Variants in CEP43 observed in about 807,000 individuals in gnomAD.
CEP43 encodes FGFR1 oncogene partner.
A neutral mutation model predicts 52.6 loss-of-function variants in CEP43; 36 were observed. That is an observed-to-expected ratio of 0.68 (90% confidence interval 0.52 to 0.90). CEP43 has a LOEUF of 0.90. Among genes scored for constraint, CEP43 ranks in the 40% least tolerant of loss-of-function variants. The probability of loss-of-function intolerance (pLI) is 0.00; values close to 1 mark genes in which losing one functional copy is unlikely to be tolerated. For synonymous variants in CEP43, 192 were observed against 172.4 expected (o/e 1.11, Z -0.89); for missense variants, 506 against 472.8 (o/e 1.07, Z -0.65).
rs963865840 is a variant in CEP43 at position 167,040,949 on chromosome 6, T to G, written c.*971T>G. The G allele has an allele frequency of 2.9e-6, 3 of 1,024,058 alleles. No homozygotes were observed. Among genetic ancestry groups the G allele is most frequent in the Non-Finnish European group, 2.3e-6 (2 of 851,992 alleles). 63.4% of individuals were successfully genotyped at this position (1,024,058 alleles called of 1,614,324 possible). On this transcript the variant is annotated 3_prime_UTR_variant, in exon 13 of 13. Transcript: ENST00000366847. ...ATTTCCACAGTCTCATTTATACGGTTAAAGCATTATTGCTATTATGTAGGT... is the reference window on the plus strand; with the variant it reads ...ATTTCCACAGTCTCATTTATACGGTGAAAGCATTATTGCTATTATGTAGGT...
At chr6:167,026,307 G>C (rs2128665399) in intron 9 of CEP43, among the ~76,000 whole-genome samples, 1 of 152,364 alleles carries the variant, frequency 6.6e-6, no homozygotes, top group East Asian at 1.9e-4. Context: ...AGGTTGCAGT[G>C]AGCTGAGACC....
intron 7 of CEP43, among the ~76,000 whole-genome samples, chr6:167,020,149 T>G (rs1332561733): frequency 6.6e-6 from 1 of 152,254 alleles, no homozygotes; most frequent in Non-Finnish European, 1.5e-5. Flanking sequence ...CAGGAAAATG[T>G]CAAGAAAGTT....
Position 167,017,840 on chromosome 6 carries a change from T to C in CEP43, c.579+4273T>C, listed in dbSNP as rs544915040. On this transcript the variant is annotated intron_variant, in intron 7 of 12. Coordinates refer to ENST00000366847, the MANE Select transcript of CEP43 (RefSeq NM_007045.4). Reference sequence around the variant, plus strand: ...TCCAGCCAAGAGAACTTAATGACCGTTGTAGTGCTGTGCAATAGGTCCCTC... The same window carrying C: ...TCCAGCCAAGAGAACTTAATGACCGCTGTAGTGCTGTGCAATAGGTCCCTC... 6.6e-5 allele frequency among the ~76,000 whole-genome samples: 10 copies of C among 152,310 alleles called. No homozygotes were observed. In the South Asian group the frequency reaches 1.7e-3, roughly 25 times the overall value.
chr6:167,045,747 A>G lies in CEP43; in HGVS notation c.*5769A>G, dbSNP rs1161099641. The G allele has an allele frequency of 1.3e-5, 2 of 152,398 alleles. No homozygotes were observed. The highest frequency in any genetic ancestry group is 2.4e-5 in the African/African-American group (1 of 41,454). 9.4% of individuals were successfully genotyped at this position (152,398 alleles called of 1,614,324 possible). ...GAGACTCCGTCTCAAAAACAACAACAACAACGAAAAAACGATTTTGGCATG... is the reference window on the plus strand; with the variant it reads ...GAGACTCCGTCTCAAAAACAACAACGACAACGAAAAAACGATTTTGGCATG... On this transcript the variant is annotated 3_prime_UTR_variant, in exon 13 of 13. Transcript: ENST00000366847.
At position 167,046,197 on chromosome 6, in the gene CEP43, A is replaced by G. The variant is rs1304985687; in HGVS notation, c.*6219A>G. On this transcript the variant is annotated 3_prime_UTR_variant, in exon 13 of 13. Transcript: ENST00000366847. The stretch of plus-strand genomic sequence containing the variant: ...CAGATCATATCTGAGCGTGAATTAC[A>G]TTCTCCAATATTTTTATTTGTCATG... The G allele has an allele frequency of 7.8e-6, 1 of 128,330 alleles. No homozygotes were observed. Among genetic ancestry groups the G allele is most frequent in the African/African-American group, 2.8e-5 (1 of 35,340 alleles). 7.9% of individuals were successfully genotyped at this position (128,330 alleles called of 1,614,324 possible).
At chr6:167,036,531 C>T (rs199779083) in intron 12 of CEP43, 4 of 985,380 alleles carry the variant, frequency 4.1e-6, no homozygotes, top group East Asian at 2.3e-4. Context: ...AAGTGTGCAT[C>T]CCAGGTTTCT....
intron 8 of CEP43, 31 bp downstream of exon 8, chr6:167,022,666 A>G (rs1254684964): frequency 7.3e-7 from 1 of 1,370,928 alleles, no homozygotes; most frequent in Non-Finnish European, 1.0e-6. Flanking sequence ...CTATGAGACT[A>G]GGGGTTTAAA....
chr6:167,028,491 T>G, intron 10 of CEP43: 1 of 985,376 alleles, frequency 1.0e-6, no homozygotes. Flanking sequence ...TAAAGTTTTA[T>G]TTCGTTTTGC....
Position 167,046,117 on chromosome 6 carries a change from G to A in CEP43, c.*6139G>A, listed in dbSNP as rs927556463. The A allele has an allele frequency of 1.3e-5, 2 of 152,112 alleles. No homozygotes were observed. Among genetic ancestry groups the A allele is most frequent in the African/African-American group, 4.8e-5 (2 of 41,414 alleles). 9.4% of individuals were successfully genotyped at this position (152,112 alleles called of 1,614,324 possible). ...TTTACATTTTAACATACACTATTAT[G>A]TGTCAATATATTAATTATATATTAA... On this transcript the variant is annotated 3_prime_UTR_variant, in exon 13 of 13. Transcript: ENST00000366847.
chr6:167,032,792 A>G, intron 11 of CEP43, 150 bp downstream of exon 11: 1 of 678,792 alleles, frequency 1.5e-6, no homozygotes. Context: ...AAGATAGTTA[A>G]TCCAAAATTA....
chr6:167,005,535 T>C (rs1779831925), intron 5 of CEP43, among the ~76,000 whole-genome samples: 1 of 152,064 alleles, frequency 6.6e-6, no homozygotes, highest in South Asian at 2.1e-4. Flanking sequence ...TTCCGAGAAG[T>C]TGGAACGGTG....
At chr6:167,008,343 A>G (rs983731434) in intron 5 of CEP43, among the ~76,000 whole-genome samples, 2 of 151,868 alleles carry the variant, frequency 1.3e-5, no homozygotes, top group African/African-American at 4.9e-5. Flanking sequence ...TGGAAACTGC[A>G]TGTAACTTAG....
chr6:167,012,356 C>CT (rs920337885), intron 6 of CEP43, among the ~76,000 whole-genome samples: 9 of 151,396 alleles, frequency 5.9e-5, no homozygotes, highest in Admixed American at 3.3e-4. Context: ...TAGGGAAGGC[C>CT]TTTTTTTAAA....
At chr6:167,018,615 C>T (rs1309497311) in intron 7 of CEP43, among the ~76,000 whole-genome samples, 3 of 152,118 alleles carry the variant, frequency 2.0e-5, no homozygotes, top group Admixed American at 1.3e-4. Context: ...GGTTTCGGAT[C>T]TCCTGACCTC....
At chr6:167,009,463 T>G (rs1779930333) in intron 5 of CEP43, among the ~76,000 whole-genome samples, 2 of 118,444 alleles carry the variant, frequency 1.7e-5, no homozygotes, top group Non-Finnish European at 3.2e-5. Flanking sequence ...TGAGCCAAGA[T>G]TGCGCCTCTG....
intron 5 of CEP43, 30 bp from the exon 6 acceptor site, chr6:167,010,783 G>C (rs774243387): frequency 8.6e-7 from 1 of 1,161,790 alleles, no homozygotes; most frequent in African/African-American, 1.6e-5. Flanking sequence ...ATTTTTAAAT[G>C]TATTTTAATT....
intron 8 of CEP43, among the ~76,000 whole-genome samples, chr6:167,023,093 A>T (rs191160309): frequency 0.087 from 13,219 of 152,176 alleles, 855 homozygotes; most frequent in Middle Eastern, 0.15. Context: ...GCAAAGAGCT[A>T]GAGGAGGTAA....
chr6:167,012,630 A>G (rs192062849), intron 6 of CEP43, among the ~76,000 whole-genome samples: 105 of 152,262 alleles, frequency 6.9e-4, no homozygotes, highest in African/African-American at 2.4e-3. Flanking sequence ...AGCAATCCTA[A>G]CCTATATATA....
intron 10 of CEP43, among the ~76,000 whole-genome samples, chr6:167,029,305 G>A (rs1277795746): frequency 6.6e-6 from 1 of 152,226 alleles, no homozygotes; most frequent in Non-Finnish European, 1.5e-5. Context: ...TGGCCTGAGG[G>A]CCAAAATTTG....
Sources: allele counts gnomAD v4.1 joint callset (sites outside exome capture counted in the v4.1 genomes callset), GRCh38; gene constraint gnomAD v4.1.1; transcripts MANE v1.5; gene names NCBI Gene and HGNC (gene_info 2026-07-23, HGNC 2026-07-21).